Variants in PRKAG2 observed in about 807,000 individuals in gnomAD.
The protein encoded by PRKAG2 is 5'-AMP-activated protein kinase subunit gamma-2.
In PRKAG2, 26 loss-of-function variants were observed where a neutral mutation model predicts 69.6. The ratio of observed to expected loss-of-function variants is 0.37; its 90% CI spans 0.27 to 0.52. The LOEUF is 0.52. Ranked by LOEUF, PRKAG2 falls within the 20% of genes least tolerant of loss-of-function variation. PRKAG2 has a pLI of 0.90. For synonymous variants in PRKAG2, 293 were observed against 285.0 expected, an observed-to-expected ratio of 1.03 and a Z score of -0.28; for missense variants, 557 against 740.0, an observed-to-expected ratio of 0.75 and a Z score of 2.87.
intron 1 of PRKAG2, among the ~76,000 whole-genome samples, chr7:151,831,953 C>T (rs1260743643): frequency 1.3e-5 from 2 of 152,234 alleles, no homozygotes; most frequent in East Asian, 3.9e-4. Flanking sequence ...GTGGCTGCTG[C>T]ATCCACCAGA....
chr7:151,792,992 T>C (rs34735358), intron 1 of PRKAG2, among the ~76,000 whole-genome samples: 12,493 of 152,294 alleles, frequency 0.082, 609 homozygotes, highest in Middle Eastern at 0.11. Context: ...CTGGGGAATC[T>C]TGGACATATC....
At chr7:151,617,753 T>C (rs1379887861) in intron 5 of PRKAG2, among the ~76,000 whole-genome samples, 2 of 152,176 alleles carry the variant, frequency 1.3e-5, no homozygotes, top group African/African-American at 4.8e-5. Flanking sequence ...AAATTTACAC[T>C]GTCCCAAACT....
At chr7:151,593,918 C>T (rs1813813075) in intron 6 of PRKAG2, among the ~76,000 whole-genome samples, 1 of 152,342 alleles carries the variant, frequency 6.6e-6, no homozygotes. Flanking sequence ...CATTTTTGGT[C>T]ATCCTGTAAG....
chr7:151,603,835 A>C (rs947913796), intron 5 of PRKAG2, among the ~76,000 whole-genome samples: 1 of 152,154 alleles, frequency 6.6e-6, no homozygotes, highest in African/African-American at 2.4e-5. Flanking sequence ...CCCTCACTTA[A>C]TGGCAAGGAG....
intron 3 of PRKAG2, among the ~76,000 whole-genome samples, chr7:151,729,480 G>C (rs896095353): frequency 6.6e-6 from 1 of 152,060 alleles, no homozygotes; most frequent in Non-Finnish European, 1.5e-5. Context: ...CCAGCTGTCT[G>C]GCACATAATA....
chr7:151,604,990 C>T (rs1202111984), intron 5 of PRKAG2, among the ~76,000 whole-genome samples: 1 of 152,080 alleles, frequency 6.6e-6, no homozygotes, highest in Non-Finnish European at 1.5e-5. Flanking sequence ...AAGCACTCGA[C>T]CAAACAAAGT....
intron 3 of PRKAG2, among the ~76,000 whole-genome samples, chr7:151,726,091 G>T (rs531872932): frequency 6.6e-6 from 1 of 152,194 alleles, no homozygotes; most frequent in African/African-American, 2.4e-5. Context: ...CTCCACAGGG[G>T]TCCCACCTGC....
At chr7:151,568,215 T>G (rs1177756215) in intron 11 of PRKAG2, among the ~76,000 whole-genome samples, 2 of 152,242 alleles carry the variant, frequency 1.3e-5, no homozygotes, top group Non-Finnish European at 2.9e-5. Flanking sequence ...AGGCCTTATT[T>G]GGACCAACAT....
At chr7:151,724,530 T>C (rs914647107) in intron 3 of PRKAG2, among the ~76,000 whole-genome samples, 1 of 152,098 alleles carries the variant, frequency 6.6e-6, no homozygotes, top group African/African-American at 2.4e-5. Flanking sequence ...TGGGAACTTC[T>C]GCGCGGGCCC....
At chr7:151,826,109 C>T (rs1188578235) in intron 1 of PRKAG2, among the ~76,000 whole-genome samples, 1 of 152,114 alleles carries the variant, frequency 6.6e-6, no homozygotes, top group Non-Finnish European at 1.5e-5. Context: ...CCCACCACCG[C>T]CCTGCCCTAA....
At chr7:151,741,361 A>G (rs931770373) in intron 3 of PRKAG2, among the ~76,000 whole-genome samples, 2 of 152,150 alleles carry the variant, frequency 1.3e-5, no homozygotes, top group Admixed American at 1.3e-4. Context: ...CTATTCTTAC[A>G]CTACATAATA....
intron 4 of PRKAG2, among the ~76,000 whole-genome samples, chr7:151,636,028 T>G (rs1254062996): frequency 4.6e-5 from 7 of 151,172 alleles, no homozygotes; most frequent in African/African-American, 1.5e-4. Context: ...TTTTGTATTT[T>G]TTTTAGTAGA....
rs186135138 is a variant in PRKAG2, at chr7:151,603,123, A to C, written c.755-7669T>G. Among the ~76,000 whole-genome samples the C allele has an allele frequency of 7.5e-4, 112 of 148,890 alleles. 2 individuals carry two copies. Among genetic ancestry groups the C allele is most frequent in the South Asian group, 1.5e-3 (7 of 4,620 alleles). Reference sequence around the variant, plus strand: ...CCATACTCACCACACACGGAGGCACACGCTCCATACTCACCGCACACGGAG... The same window carrying C: ...CCATACTCACCACACACGGAGGCACCCGCTCCATACTCACCGCACACGGAG... On this transcript the variant is annotated intron_variant, in intron 5 of 15. Coordinates refer to ENST00000287878, the MANE Select transcript of PRKAG2 (RefSeq NM_016203.4).
intron 1 of PRKAG2, among the ~76,000 whole-genome samples, chr7:151,854,980 CAT>C (rs1456713781): frequency 1.4e-3 from 45 of 31,700 alleles, no homozygotes; most frequent in South Asian, 2.6e-3. Context: ...CCACACACAC[CAT>C]GCTCCACACA....
Position 151,694,148 on chromosome 7 carries a change from A to G in PRKAG2, c.467-18511T>C, listed in dbSNP as rs568605998. Among the ~76,000 whole-genome samples, 5 of 152,372 alleles carry G rather than the reference A, an allele frequency of 3.3e-5. No individual in the cohort carries two copies. In the East Asian group the frequency reaches 9.6e-4, roughly 29 times the overall value. On this transcript the variant is annotated intron_variant, in intron 3 of 15. Transcript: ENST00000287878. The stretch of plus-strand genomic sequence containing the variant: ...CTCAGCCTCCCAAAGTATTGGGATT[A>G]CAGGCGTGAGCCACAGTGCCCAGCC...
intron 3 of PRKAG2, among the ~76,000 whole-genome samples, chr7:151,747,417 C>T (rs559843003): frequency 1.1e-4 from 17 of 152,150 alleles, no homozygotes; most frequent in African/African-American, 1.7e-4. Context: ...ATTAGCCGGG[C>T]GTGGTGGCGG....
intron 3 of PRKAG2, among the ~76,000 whole-genome samples, chr7:151,759,658 G>C (rs917969252): frequency 3.3e-5 from 5 of 152,174 alleles, no homozygotes; most frequent in African/African-American, 1.2e-4. Context: ...AACGATACCT[G>C]CTGCTTTCCC....
At chr7:151,576,790 C>T (rs532075982) in intron 6 of PRKAG2, among the ~76,000 whole-genome samples, 32 of 152,264 alleles carry the variant, frequency 2.1e-4, no homozygotes, top group South Asian at 1.9e-3. Flanking sequence ...CGTGAGCCAC[C>T]GCACCTGGCC....
At chr7:151,685,229 T>TA (rs1472169599) in intron 3 of PRKAG2, among the ~76,000 whole-genome samples, 2 of 152,146 alleles carry the variant, frequency 1.3e-5, no homozygotes, top group African/African-American at 4.8e-5. Context: ...AATGATCCAT[T>TA]CAACCTGAAC....
Sources: gnomAD v4.1 joint callset for allele counts (sites outside exome capture counted in the v4.1 genomes callset) on GRCh38, gnomAD v4.1.1 for gene constraint, MANE v1.5 for transcripts, NCBI Gene and HGNC (gene_info 2026-07-23, HGNC 2026-07-21) for gene names.